Variants in CACNG3 observed in about 807,000 individuals in gnomAD.
CACNG3 encodes calcium voltage-gated channel auxiliary subunit gamma 3, also known as voltage-dependent calcium channel gamma-3 subunit.
In CACNG3, 3 loss-of-function variants were observed where a neutral mutation model predicts 28.5. The observed-to-expected ratio is 0.11, with a 90% CI of 0.05 to 0.27. The LOEUF is 0.27. Among genes scored for constraint, CACNG3 ranks in the 10% least tolerant of loss-of-function variants. CACNG3 has a pLI of 1.00. For missense variants in CACNG3, 236 were observed against 414.4 expected, an observed-to-expected ratio of 0.57 and a Z score of 3.74; for synonymous variants, 174 against 162.2, an observed-to-expected ratio of 1.07 and a Z score of -0.55.
chr16:24,359,082 C>A (rs1339213245), intron 3 of CACNG3, among the ~76,000 whole-genome samples: 1 of 152,090 alleles, frequency 6.6e-6, no homozygotes, highest in Non-Finnish European at 1.5e-5. Flanking sequence ...CACCGTGCTG[C>A]CCCCAGAAAG....
At chr16:24,296,396 T>A (rs1445593780) in intron 1 of CACNG3, among the ~76,000 whole-genome samples, 1 of 152,214 alleles carries the variant, frequency 6.6e-6, no homozygotes, top group Non-Finnish European at 1.5e-5. Context: ...AACCTCTTCC[T>A]TACCAGACAC....
rs1165554719 is a variant in CACNG3 at position 24,285,400 on chromosome 16, C to G, written c.211+28435C>G. Among the ~76,000 whole-genome samples, 3 of 152,258 alleles carry G rather than the reference C, an allele frequency of 2.0e-5. No individual in the cohort carries two copies. The East Asian group carries it at 5.8e-4, about 29-fold the overall frequency. Reference sequence around the variant, plus strand: ...AAATAGAAAAAGAAGTAATAATACCCCCTACTCTATTCTCACCCTGCCCCA... The same window carrying G: ...AAATAGAAAAAGAAGTAATAATACCGCCTACTCTATTCTCACCCTGCCCCA... On this transcript the variant is annotated intron_variant, in intron 1 of 3. Transcript: ENST00000005284.
intron 1 of CACNG3, among the ~76,000 whole-genome samples, chr16:24,280,840 A>AAAAAAAAAAAAAAAAAC: frequency 6.6e-6 from 1 of 151,184 alleles, no homozygotes; most frequent in Non-Finnish European, 1.5e-5. Context: ...AAAAAAAAAA[A>AAAAAAAAAAAAAAAAAC]AAAAAGACCA....
chr16:24,281,003 C>A (rs1302454745), intron 1 of CACNG3, among the ~76,000 whole-genome samples: 1 of 151,886 alleles, frequency 6.6e-6, no homozygotes, highest in African/African-American at 2.4e-5. Context: ...AGAGAAAAAG[C>A]CCTATTGCTC....
chr16:24,312,974 G>GA (rs1567216152), intron 1 of CACNG3, among the ~76,000 whole-genome samples: 11 of 140,518 alleles, frequency 7.8e-5, no homozygotes, highest in Admixed American at 5.7e-4. Flanking sequence ...AGAAAAGAAA[G>GA]AAAGAAATAA....
intron 1 of CACNG3, among the ~76,000 whole-genome samples, chr16:24,260,124 T>C (rs934376586): frequency 3.3e-5 from 5 of 152,248 alleles, no homozygotes; most frequent in African/African-American, 1.2e-4. Flanking sequence ...CTTCTCCTCC[T>C]TGAGTGACAT....
chr16:24,287,414 A>G (rs947759638), intron 1 of CACNG3, among the ~76,000 whole-genome samples: 3 of 148,712 alleles, frequency 2.0e-5, no homozygotes. Context: ...GCTAATCAGG[A>G]GGCTGAGGCA....
chr16:24,267,493 G>A (rs1229393224), intron 1 of CACNG3, among the ~76,000 whole-genome samples: 1 of 152,012 alleles, frequency 6.6e-6, no homozygotes, highest in Non-Finnish European at 1.5e-5. Context: ...TTGCTATGCA[G>A]GCCAGGATGG....
intron 3 of CACNG3, among the ~76,000 whole-genome samples, chr16:24,359,135 C>T (rs1347369005): frequency 6.6e-6 from 1 of 152,078 alleles, no homozygotes; most frequent in Admixed American, 6.6e-5. Context: ...CAAAACATTC[C>T]TCATGGCAGA....
intron 1 of CACNG3, among the ~76,000 whole-genome samples, chr16:24,298,530 A>G (rs1238120799): frequency 1.3e-5 from 2 of 152,208 alleles, no homozygotes; most frequent in Non-Finnish European, 2.9e-5. Context: ...TTTTAGATTT[A>G]CAGAAAATCT....
chr16:24,271,642 C>T (rs1898692294), intron 1 of CACNG3, among the ~76,000 whole-genome samples: 1 of 152,186 alleles, frequency 6.6e-6, no homozygotes, highest in Non-Finnish European at 1.5e-5. Context: ...TATTGAGCCG[C>T]TACTATGTGC....
At chr16:24,264,861 C>T (rs999488066) in intron 1 of CACNG3, among the ~76,000 whole-genome samples, 5 of 152,146 alleles carry the variant, frequency 3.3e-5, no homozygotes, top group Admixed American at 3.3e-4. Context: ...CAAACTAAAA[C>T]TGGTGCATGT....
chr16:24,291,125 A>G (rs1291121492), intron 1 of CACNG3, among the ~76,000 whole-genome samples: 1 of 152,180 alleles, frequency 6.6e-6, no homozygotes, highest in African/African-American at 2.4e-5. Context: ...TACCTCCCTC[A>G]TAGGGTTCTT....
intron 1 of CACNG3, among the ~76,000 whole-genome samples, chr16:24,282,461 G>A (rs1051774354): frequency 2.0e-5 from 3 of 151,104 alleles, no homozygotes; most frequent in Admixed American, 6.6e-5. Flanking sequence ...ATATTTAGTA[G>A]AGATGGGGTT....
intron 2 of CACNG3, among the ~76,000 whole-genome samples, chr16:24,347,757 T>C (rs1899889072): frequency 6.6e-6 from 1 of 152,230 alleles, no homozygotes; most frequent in South Asian, 2.1e-4. Context: ...CAAAAGAATG[T>C]GGTGGCTTTG....
In CACNG3 at chr16:24,361,956, G is replaced by A; in HGVS notation, c.*93G>A. 2 of 1,283,254 alleles carry A rather than the reference G, an allele frequency of 1.6e-6. No individual in the cohort carries two copies. The highest frequency in any genetic ancestry group is 2.1e-6 in the Non-Finnish European group (2 of 940,286). The allele number at this position is 1,283,254 out of a possible 1,614,324, so 79.5% of individuals were successfully genotyped here. A position where few individuals can be genotyped will look rare whatever the true frequency, so the allele number is the denominator to read the frequency against. ...GTTGCATGGCATGGTCCTTGTGATG[G>A]TATTACTTTTTACAAAGAATGAAAC... On this transcript the variant is annotated 3_prime_UTR_variant, in exon 4 of 4. Coordinates refer to ENST00000005284, the MANE Select transcript of CACNG3 (RefSeq NM_006539.4). The surrounding 1 kb of genome is among the most constrained non-coding windows in gnomAD (Gnocchi z 6.8).
At chr16:24,294,207 G>A (rs572870450) in intron 1 of CACNG3, among the ~76,000 whole-genome samples, 2 of 152,222 alleles carry the variant, frequency 1.3e-5, no homozygotes, top group South Asian at 2.1e-4. Flanking sequence ...GCTTAGAGAG[G>A]ATGCTGGAAG....
chr16:24,344,676 G>A (rs1335708026), intron 1 of CACNG3, among the ~76,000 whole-genome samples: 1 of 152,128 alleles, frequency 6.6e-6, no homozygotes, highest in Non-Finnish European at 1.5e-5. Context: ...CTGGTTCTGA[G>A]TCTATTATTT....
In CACNG3 at chr16:24,320,269, A is replaced by G. The variant is rs1356993741; in HGVS notation, c.212-26465A>G. On this transcript the variant is annotated intron_variant, in intron 1 of 3. Coordinates refer to ENST00000005284, the MANE Select transcript of CACNG3 (RefSeq NM_006539.4). ...TTTACAAAGGCATGAGGGTTCATTTACCACAGATAACTTAACACCCCCGGG... is the reference window on the plus strand; with the variant it reads ...TTTACAAAGGCATGAGGGTTCATTTGCCACAGATAACTTAACACCCCCGGG... Among the ~76,000 whole-genome samples the G allele has an allele frequency of 2.0e-5, 3 of 152,180 alleles. No individual in the cohort carries two copies. The East Asian group carries it at 5.8e-4, about 29-fold the overall frequency.
Sources: allele counts gnomAD v4.1 joint callset (sites outside exome capture counted in the v4.1 genomes callset), GRCh38; gene constraint gnomAD v4.1.1; non-coding constraint Gnocchi (gnomAD v3.1); transcripts MANE v1.5; gene names NCBI Gene and HGNC (gene_info 2026-07-23, HGNC 2026-07-21).